ZFPM2: variants seen among roughly 807,000 people sequenced by gnomAD.
The protein encoded by ZFPM2 is zinc finger protein, FOG family member 2.
ZFPM2 carries 20 observed loss-of-function variants against 98.6 expected under a neutral mutation model. The observed-to-expected ratio is 0.20, with a 90% CI of 0.14 to 0.29. The LOEUF is 0.29. Ranked by LOEUF, ZFPM2 falls within the 10% of genes least tolerant of loss-of-function variation. The probability of loss-of-function intolerance (pLI) is 1.00; values close to 1 mark genes in which losing one functional copy is unlikely to be tolerated. For missense variants in ZFPM2, 1,310 were observed against 1,388.6 expected (o/e 0.94, Z 0.90); for synonymous variants, 518 against 502.7 (o/e 1.03, Z -0.41).
intron 6 of ZFPM2, among the ~76,000 whole-genome samples, chr8:105,794,357 T>C (rs1813724197): frequency 6.6e-6 from 1 of 152,208 alleles, no homozygotes; most frequent in Admixed American, 6.5e-5. Flanking sequence ...AGATGCTGTT[T>C]GCCTAGGTAG....
chr8:105,605,696 T>C (rs542149343), intron 4 of ZFPM2, among the ~76,000 whole-genome samples: 1 of 152,246 alleles, frequency 6.6e-6, no homozygotes, highest in Non-Finnish European at 1.5e-5. Context: ...TGGTTTCTCA[T>C]TCTTCTATGA....
At chr8:105,416,062 C>T (rs539921704) in intron 1 of ZFPM2, among the ~76,000 whole-genome samples, 3 of 151,718 alleles carry the variant, frequency 2.0e-5, no homozygotes, top group Non-Finnish European at 4.4e-5. Context: ...GAATAGCCAA[C>T]ATGTAAAATA....
chr8:105,415,649 A>G (rs1811666625), intron 1 of ZFPM2, among the ~76,000 whole-genome samples: 1 of 152,054 alleles, frequency 6.6e-6, no homozygotes, highest in South Asian at 2.1e-4. Flanking sequence ...ACCCTTTTAA[A>G]ATGTTAGTTT....
At chr8:105,361,961 C>T (rs1208205890) in intron 1 of ZFPM2, among the ~76,000 whole-genome samples, 4 of 152,042 alleles carry the variant, frequency 2.6e-5, no homozygotes, top group Non-Finnish European at 5.9e-5. Flanking sequence ...AACATGCAGC[C>T]TGGGCAGGTT....
At chr8:105,381,457 T>C (rs1199441314) in intron 1 of ZFPM2, among the ~76,000 whole-genome samples, 1 of 152,116 alleles carries the variant, frequency 6.6e-6, no homozygotes, top group African/African-American at 2.4e-5. Flanking sequence ...TAGAGAACTC[T>C]TTGTTTTTGA....
intron 5 of ZFPM2, among the ~76,000 whole-genome samples, chr8:105,730,782 T>TC (rs1432215409): frequency 3.4e-5 from 2 of 58,280 alleles, no homozygotes; most frequent in African/African-American, 6.9e-5. Flanking sequence ...TTTTCTTTTT[T>TC]TTTTTTTTTT....
At chr8:105,597,172 G>A (rs1442062333) in intron 4 of ZFPM2, among the ~76,000 whole-genome samples, 1 of 151,994 alleles carries the variant, frequency 6.6e-6, no homozygotes, top group Non-Finnish European at 1.5e-5. Context: ...TTAGGGCCCT[G>A]TTATGCCTGG....
chr8:105,763,056 CTTTCTTT>C (rs1812769941), intron 5 of ZFPM2, among the ~76,000 whole-genome samples: 1 of 142,004 alleles, frequency 7.0e-6, no homozygotes, highest in African/African-American at 2.6e-5. Flanking sequence ...GACTTTATTT[CTTTCTTT>C]TTTTTTTTTT....
intron 5 of ZFPM2, among the ~76,000 whole-genome samples, chr8:105,731,491 A>G (rs141200535): frequency 5.4e-4 from 82 of 151,796 alleles, no homozygotes; most frequent in African/African-American, 1.9e-3. Context: ...ATTGTGTTAC[A>G]TAGAAGTTAG....
intron 1 of ZFPM2, among the ~76,000 whole-genome samples, chr8:105,333,184 AATT>A (rs1466203256): frequency 1.3e-5 from 2 of 151,780 alleles, no homozygotes; most frequent in African/African-American, 4.8e-5. Flanking sequence ...GAAGTTTAAC[AATT>A]ATTATCTTGA....
chr8:105,785,491 C>T (rs1380056169), intron 5 of ZFPM2, among the ~76,000 whole-genome samples: 2 of 152,070 alleles, frequency 1.3e-5, no homozygotes, highest in African/African-American at 4.8e-5. Flanking sequence ...ACTTAGTTAT[C>T]CTCTCTAAGC....
At chr8:105,622,731 G>A (rs1309904845) in intron 4 of ZFPM2, among the ~76,000 whole-genome samples, 1 of 152,112 alleles carries the variant, frequency 6.6e-6, no homozygotes, top group Non-Finnish European at 1.5e-5. Flanking sequence ...CCAGAATGAA[G>A]ACAAGTGACT....
At chr8:105,325,997 A>G (rs1428122988) in intron 1 of ZFPM2, among the ~76,000 whole-genome samples, 2 of 151,700 alleles carry the variant, frequency 1.3e-5, no homozygotes, top group African/African-American at 4.8e-5. Flanking sequence ...CTGTATTTAG[A>G]AAGTATCTTT....
intron 1 of ZFPM2, among the ~76,000 whole-genome samples, chr8:105,326,043 A>C (rs149149824): frequency 1.3e-5 from 2 of 151,850 alleles, no homozygotes; most frequent in African/African-American, 2.4e-5. Context: ...AGTGTGAGGT[A>C]GCTAGTCCTA....
chr8:105,567,798 G>A (rs1035097005), intron 4 of ZFPM2, among the ~76,000 whole-genome samples: 4 of 151,832 alleles, frequency 2.6e-5, no homozygotes, highest in East Asian at 1.9e-4. Context: ...AAATCTAATC[G>A]AATTGAATTT....
At chr8:105,631,229 A>T (rs916146861) in intron 4 of ZFPM2, among the ~76,000 whole-genome samples, 25 of 152,198 alleles carry the variant, frequency 1.6e-4, no homozygotes, top group African/African-American at 5.5e-4. Flanking sequence ...TACAGAATTA[A>T]GCACAAGAAG....
At chr8:105,594,832 G>T (rs1419640011) in intron 4 of ZFPM2, among the ~76,000 whole-genome samples, 1 of 152,040 alleles carries the variant, frequency 6.6e-6, no homozygotes, top group Non-Finnish European at 1.5e-5. Flanking sequence ...CCATGAGCCA[G>T]GCACTATGCA....
intron 5 of ZFPM2, among the ~76,000 whole-genome samples, chr8:105,756,765 T>TGTA (rs10645561): frequency 0.97 from 148,092 of 152,168 alleles, 72,097 homozygotes; most frequent in East Asian, 1. Flanking sequence ...TAGAGGCTTT[T>TGTA]GTAGATTTCA....
At chr8:105,457,965 A>G (rs1812623841) in intron 3 of ZFPM2, among the ~76,000 whole-genome samples, 2 of 152,320 alleles carry the variant, frequency 1.3e-5, no homozygotes, top group South Asian at 4.1e-4. Context: ...AGGCAACAAT[A>G]AAAGGGTTTG....
Sources: allele counts gnomAD v4.1 joint callset (sites outside exome capture counted in the v4.1 genomes callset), GRCh38; gene constraint gnomAD v4.1.1; transcripts MANE v1.5; gene names NCBI Gene and HGNC (gene_info 2026-07-23, HGNC 2026-07-21).